NPAS3: variants seen among roughly 807,000 people sequenced by gnomAD.
The protein encoded by NPAS3 is neuronal PAS domain-containing protein 3.
Under a neutral mutation model 73.1 loss-of-function variants are expected in NPAS3, and 14 were observed. The ratio of observed to expected loss-of-function variants is 0.19; its 90% confidence interval spans 0.13 to 0.30. NPAS3 has a LOEUF of 0.30. Among genes scored for constraint, NPAS3 ranks in the 10% least tolerant of loss-of-function variants. The pLI is 1.00. For synonymous variants in NPAS3, 620 were observed against 541.5 expected, an observed-to-expected ratio of 1.14 and a Z score of -2.01; for missense variants, 1,096 against 1,250.0, an observed-to-expected ratio of 0.88 and a Z score of 1.86.
intron 4 of NPAS3, among the ~76,000 whole-genome samples, chr14:33,534,011 C>A (rs543272996): frequency 2.5e-4 from 38 of 151,812 alleles, no homozygotes; most frequent in African/African-American, 9.2e-4. Context: ...AAAATGTTAC[C>A]AAATCTTTTT....
intron 5 of NPAS3, among the ~76,000 whole-genome samples, chr14:33,612,956 A>C (rs942724700): frequency 3.3e-5 from 5 of 152,152 alleles, no homozygotes; most frequent in Admixed American, 2.6e-4. Flanking sequence ...TCCATCAACC[A>C]AAAAAAGAAA....
At chr14:33,412,558 T>G (rs1207866210) in intron 4 of NPAS3, among the ~76,000 whole-genome samples, 1 of 152,226 alleles carries the variant, frequency 6.6e-6, no homozygotes, top group African/African-American at 2.4e-5. Context: ...TTATTGCTAG[T>G]GATATATATT....
intron 4 of NPAS3, among the ~76,000 whole-genome samples, chr14:33,426,998 C>A (rs2048580372): frequency 6.6e-6 from 1 of 152,002 alleles, no homozygotes; most frequent in African/African-American, 2.4e-5. Context: ...TGATGGATAA[C>A]ACTTTTTACA....
intron 5 of NPAS3, among the ~76,000 whole-genome samples, chr14:33,672,379 A>T (rs1413088578): frequency 2.6e-5 from 4 of 152,006 alleles, no homozygotes; most frequent in Admixed American, 1.3e-4. Flanking sequence ...AGTAAAAGAA[A>T]TTTTTTTTTC....
chr14:32,987,882 A>G (rs866041480), intron 1 of NPAS3, among the ~76,000 whole-genome samples: 1 of 152,294 alleles, frequency 6.6e-6, no homozygotes, highest in African/African-American at 2.4e-5. Context: ...TGGATTAAGT[A>G]CATACTAATT....
intron 5 of NPAS3, among the ~76,000 whole-genome samples, chr14:33,631,187 G>C (rs1286837586): frequency 1.3e-5 from 2 of 152,150 alleles, no homozygotes; most frequent in African/African-American, 2.4e-5. Context: ...CTTTAGAGCT[G>C]AATCACAAAC....
chr14:33,305,411 A>C (rs959966972), intron 3 of NPAS3, among the ~76,000 whole-genome samples: 8 of 152,114 alleles, frequency 5.3e-5, no homozygotes, highest in Non-Finnish European at 7.4e-5. Flanking sequence ...TCATCTAGAT[A>C]GGACATTCTC....
intron 1 of NPAS3, among the ~76,000 whole-genome samples, chr14:33,003,134 C>T (rs1393448685): frequency 6.7e-6 from 1 of 149,994 alleles, no homozygotes; most frequent in Non-Finnish European, 1.5e-5. Context: ...AATTATATTT[C>T]AGTGTTAGCC....
chr14:33,378,543 G>C (rs912208233), intron 4 of NPAS3, among the ~76,000 whole-genome samples: 21 of 152,174 alleles, frequency 1.4e-4, no homozygotes, highest in Admixed American at 1.1e-3. Flanking sequence ...GGCTGAGGTA[G>C]GAGAATCGCT....
At chr14:32,991,704 T>C (rs546153431) in intron 1 of NPAS3, among the ~76,000 whole-genome samples, 1 of 152,352 alleles carries the variant, frequency 6.6e-6, no homozygotes, top group South Asian at 2.1e-4. Flanking sequence ...ATAAATGCTA[T>C]CCCATACTTT....
At chr14:33,517,184 C>A (rs992168229) in intron 4 of NPAS3, among the ~76,000 whole-genome samples, 3 of 152,062 alleles carry the variant, frequency 2.0e-5, no homozygotes, top group African/African-American at 7.2e-5. Flanking sequence ...TGGCCAACTT[C>A]TAAATCAGGT....
intron 2 of NPAS3, among the ~76,000 whole-genome samples, chr14:33,108,189 G>A (rs1283510581): frequency 8.1e-6 from 1 of 123,132 alleles, no homozygotes; most frequent in South Asian, 2.8e-4. Flanking sequence ...TCTATTTATT[G>A]TTCTGATTTT....
intron 7 of NPAS3, among the ~76,000 whole-genome samples, chr14:33,750,555 A>G (rs1449088634): frequency 1.3e-5 from 2 of 152,132 alleles, no homozygotes; most frequent in Non-Finnish European, 2.9e-5. Context: ...TTTTTTGAAA[A>G]CATGCTTTCT....
chr14:33,600,168 C>T (rs553512632), intron 5 of NPAS3, among the ~76,000 whole-genome samples: 6 of 152,214 alleles, frequency 3.9e-5, no homozygotes, highest in Non-Finnish European at 5.9e-5. Context: ...AACATTTCTT[C>T]GATGAAGAGT....
At position 33,800,485 on chromosome 14, in the gene NPAS3, C is replaced by G; in HGVS notation, c.2178C>G (p.Ala726=). The G allele has an allele frequency of 1.4e-6, 2 of 1,478,496 alleles. No homozygotes were observed. The highest frequency in any genetic ancestry group is 2.7e-5 in the South Asian group (2 of 75,454). 91.6% of individuals were successfully genotyped at this position (1,478,496 alleles called of 1,614,324 possible). A position where few individuals can be genotyped will look rare whatever the true frequency, so the allele number is the denominator to read the frequency against. ...CGCCCGGCGCCGACGGCGCGGCCGC[C>G]CGCAAGACTCAGTTCGGCGCCTCGG... The change falls in exon 12 of 12, where the codon GCC becomes GCG. Residue 726 remains alanine (A), a synonymous_variant. Transcript: ENST00000356141. The surrounding 1 kb of genome is among the most constrained non-coding windows in gnomAD (Gnocchi z 6.5).
In NPAS3 at chr14:33,017,506, C is replaced by T. The variant is rs531128176; in HGVS notation, c.51-38399C>T. Among the ~76,000 whole-genome samples the T allele has an allele frequency of 3.2e-4, 49 of 152,130 alleles. 1 individual carries two copies. Among genetic ancestry groups the T allele is most frequent in the Admixed American group, 2.7e-3 (42 of 15,274 alleles). On this transcript the variant is annotated intron_variant, in intron 1 of 11. Coordinates refer to ENST00000356141, the Ensembl canonical transcript of NPAS3. ...AATGATCTCCCAGAGATAAATTAATCGAATAGAAGTCTGGTCTTTAAAGAG... is the reference window on the plus strand; with the variant it reads ...AATGATCTCCCAGAGATAAATTAATTGAATAGAAGTCTGGTCTTTAAAGAG...
At chr14:32,937,889 T>A (rs2035749647), upstream of NPAS3, among the ~76,000 whole-genome samples, 1 of 152,078 alleles carries the variant, frequency 6.6e-6, no homozygotes, top group African/African-American at 2.4e-5. Context: ...ATTGGTTTAG[T>A]GGAGAAAACG....
At chr14:33,554,292 G>A (rs975405059) in intron 4 of NPAS3, among the ~76,000 whole-genome samples, 9 of 152,144 alleles carry the variant, frequency 5.9e-5, no homozygotes, top group African/African-American at 1.9e-4. Context: ...TTGTCCTAAC[G>A]GAGTTATGTC....
At chr14:33,557,569 T>C (rs543419959) in intron 4 of NPAS3, among the ~76,000 whole-genome samples, 2 of 152,360 alleles carry the variant, frequency 1.3e-5, no homozygotes, top group East Asian at 3.9e-4. Flanking sequence ...TGTAAGGCAG[T>C]ATAGTTAGTT....
Sources: gnomAD v4.1 joint callset for allele counts (sites outside exome capture counted in the v4.1 genomes callset) on GRCh38, gnomAD v4.1.1 for gene constraint, Gnocchi (gnomAD v3.1) non-coding constraint, MANE v1.5 for transcripts, NCBI Gene and HGNC (gene_info 2026-07-23, HGNC 2026-07-21) for gene names.